The following LUZP2 variants were observed in gnomAD, a reference collection of about 807,000 sequenced individuals.
The protein encoded by LUZP2 is leucine zipper protein 2.
Under a neutral mutation model 51.6 loss-of-function variants are expected in LUZP2, and 52 were observed. That is an observed-to-expected ratio of 1.01 (90% confidence interval 0.81 to 1.27). LUZP2 has a LOEUF of 1.27. Ranked by LOEUF, LUZP2 falls within the 50% of genes most tolerant of loss-of-function variation. The pLI is 0.00. For missense variants in LUZP2, 436 were observed against 395.4 expected, an observed-to-expected ratio of 1.10 and a Z score of -0.87; for synonymous variants, 154 against 137.3, an observed-to-expected ratio of 1.12 and a Z score of -0.85.
At chr11:24,757,835 T>A (rs1168626282) in intron 4 of LUZP2, among the ~76,000 whole-genome samples, 1 of 152,050 alleles carries the variant, frequency 6.6e-6, no homozygotes, top group Non-Finnish European at 1.5e-5. Flanking sequence ...ACAAAAGTCC[T>A]AGGTCATATT....
chr11:24,925,431 A>C (rs2133822966), intron 7 of LUZP2, among the ~76,000 whole-genome samples: 1 of 152,338 alleles, frequency 6.6e-6, no homozygotes, highest in South Asian at 2.1e-4. Context: ...CCAACAGCTT[A>C]GAAGTAAATT....
chr11:24,805,878 A>G (rs1849842401), intron 5 of LUZP2, among the ~76,000 whole-genome samples: 1 of 152,170 alleles, frequency 6.6e-6, no homozygotes, highest in Admixed American at 6.5e-5. Context: ...TTTTTGGATG[A>G]CATTGTAAGA....
rs564402298 is a variant in LUZP2 at position 24,532,028 on chromosome 11, A to G, written c.62+34723A>G. Among the ~76,000 whole-genome samples, 177 of 151,148 alleles carry G rather than the reference A, an allele frequency of 1.2e-3. 2 individuals are homozygous for G. Among genetic ancestry groups the G allele is most frequent in the South Asian group, 4.4e-3 (21 of 4,826 alleles). On this transcript the variant is annotated intron_variant, in intron 1 of 11. Coordinates refer to ENST00000336930, the MANE Select transcript of LUZP2 (RefSeq NM_001009909.4). ...AAGAATTCTGTTTTTAATATTGATT[A>G]TGAACACTATCAAACAATCAGGGCA...
At chr11:24,943,965 G>A (rs1053618889) in intron 7 of LUZP2, among the ~76,000 whole-genome samples, 3 of 151,908 alleles carry the variant, frequency 2.0e-5, no homozygotes, top group African/African-American at 4.8e-5. Flanking sequence ...GTAAGGTATG[G>A]TATGGTTTCT....
In LUZP2 at chr11:25,078,723, G is replaced by A; in HGVS notation, c.*65G>A. The A allele has an allele frequency of 8.3e-7, 1 of 1,209,368 alleles. No individual in the cohort carries two copies. Among genetic ancestry groups the A allele is most frequent in the Non-Finnish European group, 1.2e-6 (1 of 844,216 alleles). 74.9% of individuals were successfully genotyped at this position (1,209,368 alleles called of 1,614,324 possible). On this transcript the variant is annotated 3_prime_UTR_variant, in exon 12 of 12. Coordinates refer to ENST00000336930, the MANE Select transcript of LUZP2 (RefSeq NM_001009909.4). ...TCTTCATATTCTTTTTAGACCACAAGCTTGATGGAAATACTGTTTCTAAAG... is the reference window on the plus strand; with the variant it reads ...TCTTCATATTCTTTTTAGACCACAAACTTGATGGAAATACTGTTTCTAAAG...
chr11:24,844,942 C>A (rs1851151821), intron 5 of LUZP2, among the ~76,000 whole-genome samples: 1 of 152,110 alleles, frequency 6.6e-6, no homozygotes, highest in Non-Finnish European at 1.5e-5. Context: ...AGGGATGGGG[C>A]CCTCATGGAG....
At position 24,497,184 on chromosome 11, in the gene LUZP2, A is replaced by C; in HGVS notation, c.-60A>C. The C allele has an allele frequency of 1.9e-4, 251 of 1,333,548 alleles. No homozygotes were observed. The highest frequency in any genetic ancestry group is 2.3e-4 in the Non-Finnish European group (221 of 974,916). The allele number at this position is 1,333,548 out of a possible 1,614,324, so 82.6% of individuals were successfully genotyped here. A position where few individuals can be genotyped will look rare whatever the true frequency, so the allele number is the denominator to read the frequency against. On this transcript the variant is annotated 5_prime_UTR_variant, in exon 1 of 12. Coordinates refer to ENST00000336930, the MANE Select transcript of LUZP2 (RefSeq NM_001009909.4). The stretch of plus-strand genomic sequence containing the variant: ...ACAGAGCCGGGCACCAAGGAGCGAC[A>C]GGATCCCGAAGAGAGAGAGAGAAGG...
intron 1 of LUZP2, among the ~76,000 whole-genome samples, chr11:24,683,640 A>G (rs920967006): frequency 1.3e-5 from 2 of 152,196 alleles, no homozygotes; most frequent in Non-Finnish European, 2.9e-5. Flanking sequence ...TAATCCATCA[A>G]TTCATTCATT....
At chr11:25,044,253 G>GTATATATATATA (rs1446874239) in intron 9 of LUZP2, among the ~76,000 whole-genome samples, 11 of 31,798 alleles carry the variant, frequency 3.5e-4, no homozygotes, top group Non-Finnish European at 5.8e-4. Flanking sequence ...GTGTGTGTGT[G>GTATATATATATA]TGTGTATATA....
chr11:25,025,002 A>G (rs1377492505), intron 9 of LUZP2, among the ~76,000 whole-genome samples: 4 of 151,876 alleles, frequency 2.6e-5, no homozygotes, highest in African/African-American at 9.7e-5. Context: ...CACATCTACA[A>G]CCATCTGATC....
chr11:24,926,665 A>ATG lies in LUZP2; in HGVS notation c.522+12128_522+12129insGT, dbSNP rs1411197299. On this transcript the variant is annotated intron_variant, in intron 7 of 11. Coordinates refer to ENST00000336930, the MANE Select transcript of LUZP2 (RefSeq NM_001009909.4). The stretch of plus-strand genomic sequence containing the variant: ...TATATATATATGTGTGTGTATATAT[A>ATG]TATGTGTGTGTGTGTGTGTGTTGCT... Among the ~76,000 whole-genome samples the ATG allele has an allele frequency of 8.3e-3, 1,061 of 127,568 alleles. 15 individuals carry two copies. The highest frequency in any genetic ancestry group is 0.027 in the African/African-American group (967 of 36,062). 83.7% of individuals were successfully genotyped at this position (127,568 alleles called of 152,430 possible). A position where few individuals can be genotyped will look rare whatever the true frequency, so the allele number is the denominator to read the frequency against.
At chr11:24,981,822 C>A (rs373434377) in intron 8 of LUZP2, among the ~76,000 whole-genome samples, 1 of 151,854 alleles carries the variant, frequency 6.6e-6, no homozygotes, top group African/African-American at 2.4e-5. Context: ...AGTAAACAGA[C>A]AACCTATAGA....
chr11:24,711,267 G>A (rs946952925), intron 1 of LUZP2, among the ~76,000 whole-genome samples: 2 of 136,418 alleles, frequency 1.5e-5, no homozygotes, highest in Non-Finnish European at 3.2e-5. Context: ...GGCTAACACG[G>A]TGAAACCCCC....
At chr11:24,529,084 C>T (rs1210661288) in intron 1 of LUZP2, among the ~76,000 whole-genome samples, 1 of 150,920 alleles carries the variant, frequency 6.6e-6, no homozygotes, top group African/African-American at 2.4e-5. Context: ...TTAATAATAA[C>T]ATAGTCATCC....
rs571478228 is a variant in LUZP2, at chr11:24,701,861, T to A, written c.63-27308T>A. On this transcript the variant is annotated intron_variant, in intron 1 of 11. Coordinates refer to ENST00000336930, the MANE Select transcript of LUZP2 (RefSeq NM_001009909.4). ...ACATTCCATAGAAGGGATTCGTTTTTATAACCTGTAATACAAAGTATACTA... is the reference window on the plus strand; with the variant it reads ...ACATTCCATAGAAGGGATTCGTTTTAATAACCTGTAATACAAAGTATACTA... Among the ~76,000 whole-genome samples the A allele has an allele frequency of 5.3e-5, 8 of 152,318 alleles. No individual in the cohort carries two copies. In the South Asian group the frequency reaches 1.7e-3, roughly 32 times the overall value.
At chr11:24,710,977 A>G (rs4403806) in intron 1 of LUZP2, among the ~76,000 whole-genome samples, 9,162 of 149,678 alleles carry the variant, frequency 0.061, 991 homozygotes, top group African/African-American at 0.21. Flanking sequence ...AGGGGAGGAA[A>G]GAAAGAAGGG....
chr11:25,001,237 C>T (rs1856673875), intron 9 of LUZP2, among the ~76,000 whole-genome samples: 1 of 152,202 alleles, frequency 6.6e-6, no homozygotes. Context: ...CTTCCTGATT[C>T]TGTAAGTACT....
chr11:24,548,527 G>A lies in LUZP2; in HGVS notation c.62+51222G>A, dbSNP rs1430580100. Among the ~76,000 whole-genome samples, 7 of 152,068 alleles carry A rather than the reference G, an allele frequency of 4.6e-5. No homozygotes were observed. The East Asian group carries it at 1.4e-3, about 30-fold the overall frequency. ...AGTACACAGGAGCACAAAGAAGGGA[G>A]CAATAGACACCAGTGACTACTTGAG... On this transcript the variant is annotated intron_variant, in intron 1 of 11. Transcript: ENST00000336930.
intron 1 of LUZP2, among the ~76,000 whole-genome samples, chr11:24,628,209 GCA>G (rs1190049895): frequency 8.3e-6 from 1 of 121,084 alleles, no homozygotes; most frequent in African/African-American, 3.3e-5. Flanking sequence ...ACACACCCAT[GCA>G]TACACACACA....
Sources: allele counts gnomAD v4.1 joint callset (sites outside exome capture counted in the v4.1 genomes callset), GRCh38; gene constraint gnomAD v4.1.1; transcripts MANE v1.5; gene names NCBI Gene and HGNC (gene_info 2026-07-23, HGNC 2026-07-21).